Variants in LRP1B observed in about 807,000 individuals in gnomAD.
The protein encoded by LRP1B is low-density lipoprotein receptor-related protein 1B.
A neutral mutation model predicts 556.6 loss-of-function variants in LRP1B; 217 were observed. That is an observed-to-expected ratio of 0.39 (90% CI 0.35 to 0.44). LRP1B has a LOEUF of 0.44. LRP1B is among the 20% of genes least tolerant of loss of function. The pLI is 1.00. For synonymous variants in LRP1B, 2,047 were observed against 1,865.8 expected (o/e 1.10, Z -2.50); for missense variants, 5,053 against 5,620.8 (o/e 0.90, Z 3.23).
At chr2:140,998,518 AG>A (rs1158365611) in intron 15 of LRP1B, among the ~76,000 whole-genome samples, 7 of 152,032 alleles carry the variant, frequency 4.6e-5, no homozygotes, top group African/African-American at 1.7e-4. Context: ...TCTCAGGGGT[AG>A]TAAGTTCCAA....
chr2:140,919,464 G>T (rs1238581616), intron 21 of LRP1B, among the ~76,000 whole-genome samples: 1 of 152,094 alleles, frequency 6.6e-6, no homozygotes, highest in East Asian at 1.9e-4. Context: ...GCAACTAGCA[G>T]TGATATGTAT....
intron 71 of LRP1B, among the ~76,000 whole-genome samples, chr2:140,369,628 C>T (rs1682905053): frequency 6.6e-6 from 1 of 151,366 alleles, no homozygotes; most frequent in African/African-American, 2.4e-5. Flanking sequence ...TTTGGGTGCA[C>T]TGTCTATGAG....
chr2:140,994,070 A>G lies in LRP1B; in HGVS notation c.2569T>C (p.Cys857Arg). Residue 857 changes from cysteine (C) to arginine (R), a missense_variant, in exon 16 of 91, where the codon TGT becomes CGT. By Grantham distance (180) the Cys-to-Arg change is radical. Around this residue, in one of 5 missense-constraint regions of LRP1B, gnomAD observed 3,619 missense variants for 3,931.9 expected, o/e 0.92. Transcript: ENST00000389484. The stretch of plus-strand genomic sequence containing the variant: ...TCACATTTCCACCGAGCTTGGATAC[A>G]GTGTCTGTTTTTGCAGCGAAACTCT... ...AGEFRCKNRH[C>R]IQARWKCDGD... 3 of 1,612,766 alleles carry G rather than the reference A, an allele frequency of 1.9e-6. No individual in the cohort carries two copies. Among genetic ancestry groups the G allele is most frequent in the East Asian group, 2.2e-5 (1 of 44,784 alleles).
At chr2:140,596,337 A>G (rs773924511) in intron 43 of LRP1B, among the ~76,000 whole-genome samples, 2 of 152,144 alleles carry the variant, frequency 1.3e-5, no homozygotes, top group Admixed American at 6.5e-5. Context: ...CTATGTCTCT[A>G]TTAGAGAGCA....
intron 3 of LRP1B, among the ~76,000 whole-genome samples, chr2:141,352,434 G>A (rs1688479446): frequency 6.6e-6 from 1 of 151,778 alleles, no homozygotes; most frequent in African/African-American, 2.4e-5. Flanking sequence ...TGCAATGATA[G>A]TACAGAGTTT....
At chr2:140,303,120 A>G (rs591114) in intron 83 of LRP1B, among the ~76,000 whole-genome samples, 2,532 of 149,284 alleles carry the variant, frequency 0.017, 93 homozygotes, top group African/African-American at 0.059. Flanking sequence ...TGCATAAAAT[A>G]AATGGAGATT....
At chr2:141,920,515 A>G (rs1374835348) in intron 1 of LRP1B, among the ~76,000 whole-genome samples, 1 of 152,024 alleles carries the variant, frequency 6.6e-6, no homozygotes, top group Non-Finnish European at 1.5e-5. Flanking sequence ...CAATGTGCTG[A>G]CAGGAGGAAA....
At chr2:141,678,307 A>T (rs1690965268) in intron 2 of LRP1B, among the ~76,000 whole-genome samples, 1 of 152,180 alleles carries the variant, frequency 6.6e-6, no homozygotes, top group Non-Finnish European at 1.5e-5. Flanking sequence ...AATACCAACT[A>T]AAGAGTCTGT....
intron 1 of LRP1B, among the ~76,000 whole-genome samples, chr2:142,089,313 G>T (rs562760275): frequency 6.6e-6 from 1 of 152,244 alleles, no homozygotes; most frequent in East Asian, 1.9e-4. Context: ...CAAAGTATTT[G>T]TAAACTTATG....
rs1469405489 is a variant in LRP1B, at chr2:141,991,293, A to T, written c.82+139355T>A. ...GTCTTTCAGTGGAAAATCTCTTCTA[A>T]ATTTCTCCAACAACTATTATGTCAT... is the stretch of plus-strand genomic sequence containing the variant. On this transcript the variant is annotated intron_variant, in intron 1 of 90. Transcript: ENST00000389484. Among the ~76,000 whole-genome samples, 3 of 151,938 alleles carry T rather than the reference A, an allele frequency of 2.0e-5. No homozygotes were observed. The Admixed American group carries it at 2.0e-4, about 10-fold the overall frequency.
chr2:141,040,517 T>A lies in LRP1B; in HGVS notation c.1789+8469A>T, dbSNP rs80160430. Among the ~76,000 whole-genome samples the A allele has an allele frequency of 4.9e-3, 738 of 152,126 alleles. 5 individuals are homozygous for A. Among genetic ancestry groups the A allele is most frequent in the African/African-American group, 0.017 (702 of 41,522 alleles). The stretch of plus-strand genomic sequence containing the variant: ...AGGTCAGTGTCATTCAGGTACAGAT[T>A]ACATCCTGTAATCTGCTGTATGTGC... On this transcript the variant is annotated intron_variant, in intron 11 of 90. Transcript: ENST00000389484.
intron 66 of LRP1B, among the ~76,000 whole-genome samples, chr2:140,408,131 G>A (rs1684824769): frequency 6.6e-6 from 1 of 151,918 alleles, no homozygotes; most frequent in African/African-American, 2.4e-5. Flanking sequence ...TAAGCTATGA[G>A]GACACAAAGA....
chr2:140,840,818 T>TTA (rs1235275823), intron 30 of LRP1B, 100 bp downstream of exon 30: 31 of 846,908 alleles, frequency 3.7e-5, no homozygotes, highest in South Asian at 2.7e-4. Flanking sequence ...CTTATGGCTG[T>TTA]TATATATATA....
chr2:140,791,148 G>A (rs1690105712), intron 32 of LRP1B, among the ~76,000 whole-genome samples: 1 of 152,016 alleles, frequency 6.6e-6, no homozygotes, highest in African/African-American at 2.4e-5. Context: ...CAGCTACTCG[G>A]GAGGCTGAGA....
At position 141,916,604 on chromosome 2, in the gene LRP1B, G is replaced by T. The variant is rs1243287573; in HGVS notation, c.83-106203C>A. 2.1e-5 allele frequency among the ~76,000 whole-genome samples: 3 copies of T among 146,114 alleles called. No individual in the cohort carries two copies. In the East Asian group the frequency reaches 6.0e-4, roughly 29 times the overall value. On this transcript the variant is annotated intron_variant, in intron 1 of 90. Transcript: ENST00000389484. ...TCACTGTGTTGGCCAGGATGGTCTT[G>T]ATCTCCTGACCTCGTGATCCGCCCT...
intron 1 of LRP1B, among the ~76,000 whole-genome samples, chr2:141,899,373 A>G (rs556076247): frequency 6.6e-6 from 1 of 152,264 alleles, no homozygotes; most frequent in Non-Finnish European, 1.5e-5. Flanking sequence ...ATTATACTCA[A>G]CAGAAAAGTA....
intron 2 of LRP1B, among the ~76,000 whole-genome samples, chr2:141,646,965 T>A (rs996043804): frequency 6.6e-6 from 1 of 152,126 alleles, no homozygotes; most frequent in Non-Finnish European, 1.5e-5. Context: ...AGGATTCTGA[T>A]TTTAATATAG....
intron 37 of LRP1B, among the ~76,000 whole-genome samples, chr2:140,714,638 C>T (rs1477141518): frequency 6.6e-6 from 1 of 152,146 alleles, no homozygotes; most frequent in Non-Finnish European, 1.5e-5. Context: ...ACTAAACATC[C>T]ATTTCCAGTG....
intron 1 of LRP1B, among the ~76,000 whole-genome samples, chr2:141,848,725 A>G (rs1159969940): frequency 3.3e-5 from 5 of 151,576 alleles, no homozygotes; most frequent in African/African-American, 1.2e-4. Context: ...ATATGAAAAG[A>G]ATTTTCAGTA....
Sources: gnomAD v4.1 joint callset for allele counts (sites outside exome capture counted in the v4.1 genomes callset) on GRCh38, gnomAD v4.1.1 for gene constraint, gnomAD v4.1.1 regional missense constraint, MANE v1.5 for transcripts, NCBI Gene and HGNC (gene_info 2026-07-23, HGNC 2026-07-21) for gene names.